The following CTIF variants were observed in gnomAD, a reference collection of about 807,000 sequenced individuals.
CTIF encodes cap binding complex dependent translation initiation factor.
In CTIF, 21 loss-of-function variants were observed where a neutral mutation model predicts 66.0. The observed-to-expected ratio is 0.32, with a 90% confidence interval of 0.23 to 0.46. CTIF has a LOEUF of 0.46. CTIF is among the 20% of genes least tolerant of loss of function. CTIF has a pLI of 1.00. For synonymous variants in CTIF, 345 were observed against 326.4 expected, an observed-to-expected ratio of 1.06 and a Z score of -0.62; for missense variants, 739 against 812.7, an observed-to-expected ratio of 0.91 and a Z score of 1.10.
chr18:48,743,322 C>T (rs28556305), intron 7 of CTIF, among the ~76,000 whole-genome samples: 15,071 of 152,236 alleles, frequency 0.099, 868 homozygotes, highest in Non-Finnish European at 0.12. Flanking sequence ...GAAGCACTTC[C>T]TAAAAACTCT....
At chr18:48,555,943 C>T (rs879327220) in intron 1 of CTIF, among the ~76,000 whole-genome samples, 1 of 152,202 alleles carries the variant, frequency 6.6e-6, no homozygotes, top group Non-Finnish European at 1.5e-5. Context: ...CCTGAGCATG[C>T]TGGCTGATGG....
At chr18:48,749,989 C>T (rs574550446) in intron 7 of CTIF, among the ~76,000 whole-genome samples, 4 of 152,342 alleles carry the variant, frequency 2.6e-5, no homozygotes, top group Admixed American at 6.5e-5. Flanking sequence ...CCAGGGCAGC[C>T]GCGTGCTCTT....
intron 3 of CTIF, among the ~76,000 whole-genome samples, chr18:48,644,112 C>G (rs1025559033): frequency 6.6e-6 from 1 of 152,208 alleles, no homozygotes; most frequent in African/African-American, 2.4e-5. Flanking sequence ...AGCAGCCGAG[C>G]ACGGCAAGTC....
chr18:48,689,139 C>A (rs2091888171), intron 6 of CTIF, among the ~76,000 whole-genome samples: 1 of 152,232 alleles, frequency 6.6e-6, no homozygotes, highest in Non-Finnish European at 1.5e-5. Context: ...TCTGGGCATC[C>A]CGCACTGGCA....
chr18:48,592,947 G>A (rs1568056697), intron 1 of CTIF, among the ~76,000 whole-genome samples: 1 of 152,370 alleles, frequency 6.6e-6, no homozygotes, highest in Non-Finnish European at 1.5e-5. Flanking sequence ...GGAGGCAGCG[G>A]GGATCTGGGA....
chr18:48,768,046 G>A (rs1909743463), intron 9 of CTIF, among the ~76,000 whole-genome samples: 1 of 151,908 alleles, frequency 6.6e-6, no homozygotes, highest in Non-Finnish European at 1.5e-5. Context: ...CCATCCTCCT[G>A]CCCTTCTCCT....
chr18:48,674,797 A>G (rs1389393499), intron 6 of CTIF, among the ~76,000 whole-genome samples: 2 of 152,354 alleles, frequency 1.3e-5, no homozygotes, highest in East Asian at 3.9e-4. Context: ...TGCCAGGAAT[A>G]GTTCTGCACT....
chr18:48,857,781 G>A (rs771943421), intron 11 of CTIF, 140 bp downstream of exon 11: 1 of 649,754 alleles, frequency 1.5e-6, no homozygotes, highest in Non-Finnish European at 2.5e-6. Flanking sequence ...AGTGGGCATG[G>A]ACTTCTGCAT....
At chr18:48,650,932 A>G (rs1372773223) in intron 3 of CTIF, among the ~76,000 whole-genome samples, 1 of 152,230 alleles carries the variant, frequency 6.6e-6, no homozygotes, top group Non-Finnish European at 1.5e-5. Context: ...CCCTTCACAG[A>G]CAAGCAAATG....
intron 1 of CTIF, chr18:48,567,141 A>T (rs1401576335): frequency 4.6e-5 from 7 of 152,198 alleles, no homozygotes; most frequent in Admixed American, 4.6e-4. Context: ...ATGATAGCAG[A>T]AGTCTTTCTT....
At chr18:48,845,688 G>C (rs2069055732) in intron 10 of CTIF, among the ~76,000 whole-genome samples, 1 of 151,954 alleles carries the variant, frequency 6.6e-6, no homozygotes, top group Non-Finnish European at 1.5e-5. Context: ...ATCTTCCCTG[G>C]TCATCCCCAA....
At chr18:48,655,264 C>A (rs1439107636) in intron 3 of CTIF, among the ~76,000 whole-genome samples, 1 of 147,286 alleles carries the variant, frequency 6.8e-6, no homozygotes, top group Non-Finnish European at 1.5e-5. Context: ...GAGATCACAC[C>A]ACTGCACTCC....
chr18:48,756,873 G>C (rs1908417209), intron 7 of CTIF, among the ~76,000 whole-genome samples: 1 of 152,094 alleles, frequency 6.6e-6, no homozygotes, highest in East Asian at 1.9e-4. Flanking sequence ...AGATGAGCCT[G>C]TCTTGACCTA....
At chr18:48,762,583 A>G (rs1351641543) in intron 9 of CTIF, among the ~76,000 whole-genome samples, 1 of 152,212 alleles carries the variant, frequency 6.6e-6, no homozygotes. Flanking sequence ...AGACTAGTTA[A>G]GATACAAAGT....
At chr18:48,736,287 C>T (rs1256914125) in intron 7 of CTIF, among the ~76,000 whole-genome samples, 2 of 152,180 alleles carry the variant, frequency 1.3e-5, no homozygotes, top group African/African-American at 4.8e-5. Flanking sequence ...GAGTGAATGC[C>T]TGTGCCTCTC....
intron 1 of CTIF, among the ~76,000 whole-genome samples, chr18:48,577,554 G>A (rs1029626525): frequency 4.6e-5 from 7 of 151,092 alleles, no homozygotes; most frequent in African/African-American, 1.5e-4. Context: ...TTTTGAAGTG[G>A]ATTTTTTTTG....
chr18:48,817,793 G>T (rs1012248329), intron 10 of CTIF, among the ~76,000 whole-genome samples: 6 of 150,988 alleles, frequency 4.0e-5, no homozygotes, highest in Non-Finnish European at 8.8e-5. Context: ...AAAAAAGGGG[G>T]CCCATCCTTC....
At chr18:48,745,278 C>A (rs2092587020) in intron 7 of CTIF, among the ~76,000 whole-genome samples, 1 of 152,196 alleles carries the variant, frequency 6.6e-6, no homozygotes, top group African/African-American at 2.4e-5. Context: ...GTGACCTTCC[C>A]AGTGCACCAT....
At position 48,853,851 on chromosome 18, in the gene CTIF, G is replaced by T. The variant is rs550517819; in HGVS notation, c.1528-3737G>T. On this transcript the variant is annotated intron_variant, in intron 10 of 11. Transcript: ENST00000256413. ...AAGAATTAAGGATGTGCAGAATGCA[G>T]ATTTTGAGCCAGCAACATGACCAGT... 3.3e-5 allele frequency among the ~76,000 whole-genome samples: 5 copies of T among 152,336 alleles called. No homozygotes were observed. In the East Asian group the frequency reaches 9.6e-4, roughly 29 times the overall value.
Sources: allele counts gnomAD v4.1 joint callset (sites outside exome capture counted in the v4.1 genomes callset), GRCh38; gene constraint gnomAD v4.1.1; transcripts MANE v1.5; gene names NCBI Gene and HGNC (gene_info 2026-07-23, HGNC 2026-07-21).